SMYD3: variants seen among roughly 807,000 people sequenced by gnomAD.
SMYD3 encodes the protein histone-lysine N-methyltransferase SMYD3.
Under a neutral mutation model 57.7 loss-of-function variants are expected in SMYD3, and 36 were observed. The observed-to-expected ratio is 0.62, with a 90% CI of 0.48 to 0.82. The LOEUF (loss-of-function observed/expected upper bound fraction) is 0.82, where lower values mean the gene tolerates loss of function less well. Ranked by LOEUF, SMYD3 falls within the 40% of genes least tolerant of loss-of-function variation. The pLI, the probability that SMYD3 is intolerant of heterozygous loss-of-function variation, is 0.00. For missense variants in SMYD3, 515 were observed against 538.8 expected, an observed-to-expected ratio of 0.96 and a Z score of 0.44; for synonymous variants, 211 against 195.0, an observed-to-expected ratio of 1.08 and a Z score of -0.68.
At position 245,917,852 on chromosome 1, in the gene SMYD3, G is replaced by A. The variant is rs141577697; in HGVS notation, c.703-2212C>T. Among the ~76,000 whole-genome samples the A allele has an allele frequency of 2.0e-5, 3 of 152,288 alleles. No individual in the cohort carries two copies. The East Asian group carries it at 5.8e-4, about 29-fold the overall frequency. On this transcript the variant is annotated intron_variant, in intron 7 of 11. Transcript: ENST00000490107. ...AGGCAGGATTATCCACTGAAGGGAT[G>A]CAAAAAACTCCCTAGAGCAGAAAAC...
Position 245,891,957 on chromosome 1 carries a change from G to A in SMYD3, c.813+23573C>T, listed in dbSNP as rs2053411276. 3.3e-5 allele frequency among the ~76,000 whole-genome samples: 5 copies of A among 152,104 alleles called. No homozygotes were observed. In the South Asian group the frequency reaches 1.0e-3, roughly 32 times the overall value. ...GCTACTGAGGAGGCTGACATGGGAG[G>A]ATTGCCTGAGCCCAGGAGTGAGCCA... On this transcript the variant is annotated intron_variant, in intron 8 of 11. Transcript: ENST00000490107.
chr1:245,993,474 C>T (rs907902339), intron 5 of SMYD3, among the ~76,000 whole-genome samples: 1 of 152,072 alleles, frequency 6.6e-6, no homozygotes, highest in Non-Finnish European at 1.5e-5. Context: ...GTGGTGCTCA[C>T]CTATAATCGC....
chr1:246,230,344 A>G (rs2063391590), intron 5 of SMYD3, among the ~76,000 whole-genome samples: 2 of 97,068 alleles, frequency 2.1e-5, no homozygotes. Context: ...ATCGCTCACC[A>G]GAAAGATTTA....
intron 5 of SMYD3, among the ~76,000 whole-genome samples, chr1:245,994,750 G>A (rs1423555587): frequency 6.6e-6 from 1 of 151,934 alleles, no homozygotes; most frequent in African/African-American, 2.4e-5. Flanking sequence ...GCGGATCACA[G>A]TACTAGGTGG....
At chr1:245,890,573 A>G (rs2148580328) in intron 8 of SMYD3, among the ~76,000 whole-genome samples, 1 of 152,324 alleles carries the variant, frequency 6.6e-6, no homozygotes, top group South Asian at 2.1e-4. Context: ...AGGGAGTAAC[A>G]TATGCTGACA....
intron 1 of SMYD3, among the ~76,000 whole-genome samples, chr1:246,417,086 T>A (rs1470416355): frequency 6.6e-6 from 1 of 152,158 alleles, no homozygotes. Context: ...AGTTCCTCCC[T>A]CAACTTCCCA....
chr1:245,883,872 T>TA (rs1316344147), intron 8 of SMYD3, among the ~76,000 whole-genome samples: 2 of 152,182 alleles, frequency 1.3e-5, no homozygotes, highest in Non-Finnish European at 2.9e-5. Flanking sequence ...AAGCAACAGA[T>TA]AAAGGTGAAA....
At position 245,869,757 on chromosome 1, in the gene SMYD3, A is replaced by G. The variant is rs1331311532; in HGVS notation, c.814-5871T>C. Among the ~76,000 whole-genome samples the G allele has an allele frequency of 4.0e-5, 6 of 151,140 alleles. No individual in the cohort carries two copies. In the East Asian group the frequency reaches 1.2e-3, roughly 29 times the overall value. On this transcript the variant is annotated intron_variant, in intron 8 of 11. Transcript: ENST00000490107. ...GCCCATCTCTGACTTCACTGCACCCACTCTTCCAACTAAAATCGCCATCCT... is the reference window on the plus strand; with the variant it reads ...GCCCATCTCTGACTTCACTGCACCCGCTCTTCCAACTAAAATCGCCATCCT...
intron 5 of SMYD3, among the ~76,000 whole-genome samples, chr1:246,135,935 C>G (rs1451357620): frequency 6.6e-6 from 1 of 152,088 alleles, no homozygotes; most frequent in African/African-American, 2.4e-5. Context: ...AAGTGTAAGG[C>G]TTTCCAAAAT....
chr1:245,850,319 C>T (rs2050899578), intron 10 of SMYD3, among the ~76,000 whole-genome samples: 1 of 152,162 alleles, frequency 6.6e-6, no homozygotes, highest in South Asian at 2.1e-4. Flanking sequence ...GTGTTTTAGG[C>T]AGATTATTTC....
At chr1:245,970,279 T>A (rs1042377027) in intron 5 of SMYD3, among the ~76,000 whole-genome samples, 1 of 152,190 alleles carries the variant, frequency 6.6e-6, no homozygotes, top group Non-Finnish European at 1.5e-5. Flanking sequence ...GGAAACTGGA[T>A]CCCTTCCTTA....
At chr1:246,110,691 C>A (rs2061219526) in intron 5 of SMYD3, among the ~76,000 whole-genome samples, 1 of 152,190 alleles carries the variant, frequency 6.6e-6, no homozygotes, top group Non-Finnish European at 1.5e-5. Flanking sequence ...TTAAAGACAA[C>A]AGTGGCAAAG....
At chr1:245,895,081 TC>T (rs2053674249) in intron 8 of SMYD3, among the ~76,000 whole-genome samples, 1 of 152,164 alleles carries the variant, frequency 6.6e-6, no homozygotes, top group Non-Finnish European at 1.5e-5. Flanking sequence ...TTACAGCCCA[TC>T]GTAGCATGCC....
At chr1:245,848,784 T>C (rs1176400982) in intron 10 of SMYD3, among the ~76,000 whole-genome samples, 1 of 151,774 alleles carries the variant, frequency 6.6e-6, no homozygotes, top group Admixed American at 6.6e-5. Flanking sequence ...GGGGAATAAG[T>C]GGGGTTGGTC....
At chr1:246,280,708 C>T (rs2064423888) in intron 5 of SMYD3, among the ~76,000 whole-genome samples, 1 of 152,168 alleles carries the variant, frequency 6.6e-6, no homozygotes, top group South Asian at 2.1e-4. Flanking sequence ...TATCATTCCA[C>T]TTTACAGAGA....
rs539759028 is a variant in SMYD3 at position 245,824,888 on chromosome 1, G to A, written c.1076+33608C>T. Among the ~76,000 whole-genome samples, 31 of 150,038 alleles carry A rather than the reference G, an allele frequency of 2.1e-4. No individual in the cohort carries two copies. In the East Asian group the frequency reaches 4.1e-3, roughly 20 times the overall value. On this transcript the variant is annotated intron_variant, in intron 10 of 11. Transcript: ENST00000490107. ...AAAAAAACAAAAAAAAAAATTAGTC[G>A]GGTGTGGCGGCGTGTACCTGCAATC...
At chr1:246,182,351 C>T (rs1185764711) in intron 5 of SMYD3, among the ~76,000 whole-genome samples, 1 of 152,162 alleles carries the variant, frequency 6.6e-6, no homozygotes, top group East Asian at 1.9e-4. Flanking sequence ...ATCACCTCTT[C>T]CTCCCTGATA....
intron 1 of SMYD3, among the ~76,000 whole-genome samples, chr1:246,458,437 T>C (rs1270397556): frequency 8.2e-6 from 1 of 121,342 alleles, no homozygotes; most frequent in Non-Finnish European, 1.7e-5. Flanking sequence ...GAAAAGTCAT[T>C]CTTTTTTTTT....
chr1:246,398,026 G>A (rs969778747), intron 1 of SMYD3, among the ~76,000 whole-genome samples: 8 of 152,042 alleles, frequency 5.3e-5, no homozygotes, highest in Admixed American at 1.3e-4. Context: ...GGTGGAATCC[G>A]TCAATCACTA....
Sources: gnomAD v4.1 joint callset for allele counts (sites outside exome capture counted in the v4.1 genomes callset) on GRCh38, gnomAD v4.1.1 for gene constraint, MANE v1.5 for transcripts, NCBI Gene and HGNC (gene_info 2026-07-23, HGNC 2026-07-21) for gene names.